Variants in POLA1 observed in about 807,000 individuals in gnomAD.
POLA1 encodes the protein DNA polymerase alpha 1, catalytic subunit.
In POLA1, 15 loss-of-function variants were observed where a neutral mutation model predicts 124.0. The observed-to-expected ratio is 0.12, with a 90% confidence interval of 0.08 to 0.19. POLA1 has a LOEUF of 0.19. Ranked by LOEUF, POLA1 falls within the 10% of genes least tolerant of loss-of-function variation. The pLI is 1.00. For missense variants in POLA1, 886 were observed against 1,103.4 expected (o/e 0.80, Z 2.79); for synonymous variants, 408 against 389.4 (o/e 1.05, Z -0.56).
At chrX:24,976,497 A>T (rs1405179501) in intron 36 of POLA1, among the ~76,000 whole-genome samples, 1 of 112,143 alleles carries the variant, frequency 8.9e-6, no homozygotes, top group Non-Finnish European at 1.9e-5. Context: ...TTCACAATAA[A>T]TTCCAGTCTT....
At chrX:24,829,407 C>T (rs887999160) in intron 32 of POLA1, among the ~76,000 whole-genome samples, 1 of 111,381 alleles carries the variant, frequency 9.0e-6, no homozygotes, top group South Asian at 3.8e-4. Context: ...TCCTGCTTGT[C>T]CTCTTCTCTC....
chrX:24,738,581 C>T (rs1174584778), intron 19 of POLA1, among the ~76,000 whole-genome samples: 1 of 111,704 alleles, frequency 9.0e-6, no homozygotes, highest in African/African-American at 3.2e-5. Flanking sequence ...ATAGGGGTAA[C>T]GTAACTTGTT....
chrX:24,805,270 TC>T (rs2045778133), intron 26 of POLA1, among the ~76,000 whole-genome samples: 1 of 111,137 alleles, frequency 9.0e-6, no homozygotes, highest in South Asian at 3.9e-4. Flanking sequence ...TTTAATAGAG[TC>T]CCATTAAAGA....
At chrX:24,735,595 A>C in intron 18 of POLA1, 107 bp downstream of exon 18, 1 of 484,710 alleles carries the variant, frequency 2.1e-6, no homozygotes, top group Non-Finnish European at 3.6e-6. Context: ...TCAGAGTAAA[A>C]TGATCCTGTG....
intron 26 of POLA1, among the ~76,000 whole-genome samples, chrX:24,753,446 G>A (rs776222255): frequency 9.1e-6 from 1 of 110,131 alleles, no homozygotes; most frequent in South Asian, 3.9e-4. Context: ...TTGAATTCCT[G>A]GACTCAGACA....
At chrX:24,980,622 G>T (rs1446921922) in intron 36 of POLA1, among the ~76,000 whole-genome samples, 1 of 109,693 alleles carries the variant, frequency 9.1e-6, no homozygotes, top group Non-Finnish European at 1.9e-5. Context: ...CATATCTAGT[G>T]TAAACTAAAA....
At position 24,841,646 on chromosome X, in the gene POLA1, T is replaced by G. The variant is rs2046410721; in HGVS notation, c.3737-6T>G. 3 of 1,104,352 alleles carry G rather than the reference T, an allele frequency of 2.7e-6. No homozygotes were observed. In the African/African-American group the frequency reaches 5.7e-5, roughly 21 times the overall value. The allele number at this position is 1,104,352 out of a possible 1,213,427, so 91.0% of individuals were successfully genotyped here. A position where few individuals can be genotyped will look rare whatever the true frequency, so the allele number is the denominator to read the frequency against. ...CTGAATTTGTTTTTTTCTTTTACAT[T>G]AATAGGACTTGACCCCACCCAATTT... On this transcript the variant is annotated splice_region_variant and splice_polypyrimidine_tract_variant and intron_variant, in intron 32 of 36. Coordinates refer to ENST00000379068, the MANE Select transcript of POLA1 (RefSeq NM_001330360.2).
intron 36 of POLA1, among the ~76,000 whole-genome samples, chrX:24,977,643 CATG>C (rs934982016): frequency 5.4e-5 from 6 of 111,979 alleles, no homozygotes; most frequent in African/African-American, 1.9e-4. Context: ...TCCTTCCTAC[CATG>C]TCCAATTATG....
At chrX:24,840,197 A>G (rs2046392457) in intron 32 of POLA1, among the ~76,000 whole-genome samples, 1 of 112,669 alleles carries the variant, frequency 8.9e-6, no homozygotes, top group Non-Finnish European at 1.9e-5. Flanking sequence ...AGTAGCTATT[A>G]ACTTCATATG....
At chrX:24,914,541 A>AT (rs2047501538) in intron 35 of POLA1, among the ~76,000 whole-genome samples, 1 of 106,447 alleles carries the variant, frequency 9.4e-6, no homozygotes, top group Non-Finnish European at 1.9e-5. Flanking sequence ...AAAAAAAAAA[A>AT]GGAAAGTCAT....
intron 36 of POLA1, among the ~76,000 whole-genome samples, chrX:24,932,128 A>G (rs1026682413): frequency 8.9e-6 from 1 of 111,824 alleles, no homozygotes; most frequent in Admixed American, 9.4e-5. Context: ...CAAACCCCTG[A>G]CCTCAGGTGA....
chrX:24,973,987 T>C lies in POLA1; in HGVS notation c.4262-21818T>C, dbSNP rs111668557. On this transcript the variant is annotated intron_variant, in intron 36 of 36. Coordinates refer to ENST00000379068, the MANE Select transcript of POLA1 (RefSeq NM_001330360.2). ...GCTCATTGTTCATACTTGTTTTCTT[T>C]TTCCCATTAAATCACCTACCCAGGA... is the stretch of plus-strand genomic sequence containing the variant. Among the ~76,000 whole-genome samples, 970 of 110,872 alleles carry C rather than the reference T, an allele frequency of 8.7e-3. 5 individuals carry two copies. Among genetic ancestry groups the C allele is most frequent in the Non-Finnish European group, 0.012 (622 of 52,932 alleles).
At chrX:24,803,931 A>T (rs1387675154) in intron 26 of POLA1, among the ~76,000 whole-genome samples, 1 of 15,945 alleles carries the variant, frequency 6.3e-5, no homozygotes, top group Non-Finnish European at 1.1e-4. Flanking sequence ...CCCTAGACTT[A>T]AAAAAAAAAA....
chrX:24,950,300 C>G (rs190580223), intron 36 of POLA1, among the ~76,000 whole-genome samples: 2 of 111,956 alleles, frequency 1.8e-5, no homozygotes, highest in African/African-American at 3.2e-5. Context: ...GTGCTGTAGC[C>G]TCTAGCCCCA....
Position 24,849,224 on chromosome X carries a change from T to C in POLA1, c.4047+5547T>C, listed in dbSNP as rs1012395025. Reference sequence around the variant, plus strand: ...AAGGCATACAAAGAAGCAATAGATATCCATCCCACCCATTCAACATCACAG... The same window carrying C: ...AAGGCATACAAAGAAGCAATAGATACCCATCCCACCCATTCAACATCACAG... On this transcript the variant is annotated intron_variant, in intron 34 of 36. Transcript: ENST00000379068. 2.7e-5 allele frequency among the ~76,000 whole-genome samples: 3 copies of C among 112,809 alleles called. No individual in the cohort carries two copies. The Admixed American group carries it at 2.8e-4, about 11-fold the overall frequency.
chrX:24,741,577 T>C lies in POLA1; in HGVS notation c.2346+73T>C, dbSNP rs1015141696. The C allele has an allele frequency of 4.5e-6, 4 of 889,026 alleles. No individual in the cohort carries two copies. In the African/African-American group the frequency reaches 5.9e-5, roughly 13 times the overall value. The allele number at this position is 889,026 out of a possible 1,213,427, so 73.3% of individuals were successfully genotyped here. On this transcript the variant is annotated intron_variant, in intron 21 of 36. Coordinates refer to ENST00000379068, the MANE Select transcript of POLA1 (RefSeq NM_001330360.2). ...GTGTTTGCTTGGGGTAGTTGTTATATGATAATGAGTCTAAATGCATGCTTA... is the reference window on the plus strand; with the variant it reads ...GTGTTTGCTTGGGGTAGTTGTTATACGATAATGAGTCTAAATGCATGCTTA...
At chrX:24,780,163 C>T (rs1372017514) in intron 26 of POLA1, among the ~76,000 whole-genome samples, 1 of 111,782 alleles carries the variant, frequency 8.9e-6, no homozygotes, top group Non-Finnish European at 1.9e-5. Context: ...TTTTTCTTTT[C>T]ATATCTTTGA....
intron 36 of POLA1, among the ~76,000 whole-genome samples, chrX:24,931,038 G>A (rs751787916): frequency 6.7e-4 from 75 of 111,292 alleles, no homozygotes; most frequent in Non-Finnish European, 8.7e-4. Flanking sequence ...GCCTCAGCCC[G>A]TATGATCAGC....
At chrX:24,959,906 G>C (rs1258153880) in intron 36 of POLA1, among the ~76,000 whole-genome samples, 1 of 111,645 alleles carries the variant, frequency 9.0e-6, no homozygotes, top group East Asian at 2.8e-4. Flanking sequence ...GGGCCGCACT[G>C]TGTCTAAGCA....
Sources: gnomAD v4.1 joint callset for allele counts (sites outside exome capture counted in the v4.1 genomes callset) on GRCh38, gnomAD v4.1.1 for gene constraint, MANE v1.5 for transcripts, NCBI Gene and HGNC (gene_info 2026-07-23, HGNC 2026-07-21) for gene names.